The following CLTC variants were observed in gnomAD, a reference collection of about 807,000 sequenced individuals.
The protein encoded by CLTC is clathrin heavy chain 1.
A neutral mutation model predicts 195.8 loss-of-function variants in CLTC; 16 were observed. The observed-to-expected ratio is 0.08, with a 90% CI of 0.06 to 0.12. The LOEUF is 0.12. Ranked by LOEUF, CLTC falls within the 10% of genes least tolerant of loss-of-function variation. CLTC has a pLI of 1.00. For synonymous variants in CLTC, 667 were observed against 689.4 expected, an observed-to-expected ratio of 0.97 and a Z score of 0.51; for missense variants, 796 against 2,027.0, an observed-to-expected ratio of 0.39 and a Z score of 11.66.
chr17:59,690,905 A>T (rs74472436), intron 31 of CLTC, 194 bp downstream of exon 31: 30 of 424,990 alleles, frequency 7.1e-5, no homozygotes, highest in Non-Finnish European at 1.2e-4. Flanking sequence ...ATAATCTTAA[A>T]TACAAGAAAA....
chr17:59,629,559 C>T (rs2031651030), intron 1 of CLTC, among the ~76,000 whole-genome samples: 1 of 126,530 alleles, frequency 7.9e-6, no homozygotes, highest in Non-Finnish European at 1.6e-5. Flanking sequence ...CTTGCTCTGT[C>T]GCCCAGGCTG....
At chr17:59,647,334 T>C in intron 2 of CLTC, 64 bp from the exon 3 acceptor site, 2 of 1,288,724 alleles carry the variant, frequency 1.6e-6, no homozygotes, top group Non-Finnish European at 1.1e-6. Flanking sequence ...AGAGCTAGTC[T>C]AGGTAGGTAT....
chr17:59,694,305 T>C lies in CLTC; in HGVS notation c.*453T>C, dbSNP rs1481343658. On this transcript the variant is annotated 3_prime_UTR_variant, in exon 32 of 32. Coordinates refer to ENST00000269122, the MANE Select transcript of CLTC (RefSeq NM_004859.4). ...AAAAGCTAAAGCAAAAACACTGGCATATGACCATGCAAGACTGTCAGTGCC... is the reference window on the plus strand; with the variant it reads ...AAAAGCTAAAGCAAAAACACTGGCACATGACCATGCAAGACTGTCAGTGCC... The C allele has an allele frequency of 9.0e-6, 2 of 221,404 alleles. No homozygotes were observed. The highest frequency in any genetic ancestry group is 4.5e-5 in the African/African-American group (2 of 44,662). 13.7% of individuals were successfully genotyped at this position (221,404 alleles called of 1,614,324 possible).
intron 5 of CLTC, among the ~76,000 whole-genome samples, chr17:59,654,417 A>C (rs2032411610): frequency 6.6e-6 from 1 of 151,864 alleles, no homozygotes; most frequent in Non-Finnish European, 1.5e-5. Flanking sequence ...ACCTCAAGTG[A>C]TCCACCTGCC....
intron 30 of CLTC, chr17:59,689,721 A>G (rs2033257252): frequency 6.6e-6 from 1 of 152,208 alleles, no homozygotes; most frequent in Admixed American, 6.5e-5. Flanking sequence ...CCAGGGTTGT[A>G]ATGTCACTTC....
rs1446773969 is a variant in CLTC at position 59,681,913 on chromosome 17, G to A, written c.3442+74G>A. ...AAGCATTAAGATATCTGTCTATTCT[G>A]AATTTTAGAAGAGTTGGATACTGCA... On this transcript the variant is annotated intron_variant, in intron 21 of 31. Transcript: ENST00000269122. This position sits in a 1 kb window ranked among gnomAD's most constrained non-coding sequence, Gnocchi z 5.0. 10 of 1,329,154 alleles carry A rather than the reference G, an allele frequency of 7.5e-6. No individual in the cohort carries two copies. Among genetic ancestry groups the A allele is most frequent in the Non-Finnish European group, 1.0e-5 (10 of 970,918 alleles). 82.3% of individuals were successfully genotyped at this position (1,329,154 alleles called of 1,614,324 possible).
chr17:59,644,140 C>G (rs1363648380), intron 1 of CLTC, 136 bp from the exon 2 acceptor site: 2 of 674,442 alleles, frequency 3.0e-6, no homozygotes, highest in Non-Finnish European at 4.9e-6. Context: ...AATAGTCTCT[C>G]TTTAATTAAC....
At chr17:59,684,994 G>C (rs2033152062) in intron 28 of CLTC, 62 bp from the exon 29 acceptor site, 2 of 1,340,818 alleles carry the variant, frequency 1.5e-6, no homozygotes, top group South Asian at 3.3e-5. Context: ...CATTGATTGA[G>C]AACGGAATAT....
chr17:59,668,778 T>G lies in CLTC; in HGVS notation c.2130T>G (p.Gly710=). 1 of 1,591,720 alleles carries G rather than the reference T, an allele frequency of 6.3e-7. No homozygotes were observed. Among genetic ancestry groups the G allele is most frequent in the Non-Finnish European group, 8.5e-7 (1 of 1,173,558 alleles). The change falls in exon 14 of 32, where the codon GGT becomes GGG. Residue 710 remains glycine, a splice_region_variant and synonymous_variant. Coordinates refer to ENST00000269122, the MANE Select transcript of CLTC (RefSeq NM_004859.4). ...ELFESFKSFE[G]LFYFLGSIVN... ...ATTGTAATTACTTGTTTCTTTAAGG[T>G]CTCTTTTATTTTCTGGGATCCATTG...
chr17:59,684,169 C>G (rs1220026120), intron 28 of CLTC, 184 bp downstream of exon 28: 4 of 556,434 alleles, frequency 7.2e-6, no homozygotes, highest in Non-Finnish European at 1.3e-5. Flanking sequence ...CAGAATTTTG[C>G]TCAGATCTTG....
intron 1 of CLTC, among the ~76,000 whole-genome samples, chr17:59,633,266 G>A (rs2031772991): frequency 6.6e-6 from 1 of 152,182 alleles, no homozygotes; most frequent in Non-Finnish European, 1.5e-5. Context: ...CAAGGTGGGT[G>A]GATCACTTGA....
At chr17:59,632,559 C>T (rs1364187126) in intron 1 of CLTC, among the ~76,000 whole-genome samples, 1 of 152,032 alleles carries the variant, frequency 6.6e-6, no homozygotes, top group Non-Finnish European at 1.5e-5. Flanking sequence ...ACAAGAATTG[C>T]TTGAACCCAG....
chr17:59,662,475 C>T (rs1381088264), intron 8 of CLTC, among the ~76,000 whole-genome samples: 6 of 152,154 alleles, frequency 3.9e-5, no homozygotes, highest in Admixed American at 6.5e-5. Context: ...ATTCCTTTCA[C>T]ACCACCACAT....
At chr17:59,672,534 G>GT (rs768998320) in intron 14 of CLTC, among the ~76,000 whole-genome samples, 1 of 152,104 alleles carries the variant, frequency 6.6e-6, no homozygotes, top group Non-Finnish European at 1.5e-5. Flanking sequence ...AGAAATGATC[G>GT]TAACAGCTAT....
chr17:59,628,144 G>A (rs1261243760), intron 1 of CLTC, among the ~76,000 whole-genome samples: 3 of 151,994 alleles, frequency 2.0e-5, no homozygotes, highest in African/African-American at 4.8e-5. Context: ...GAAGTAAGAC[G>A]GTTTTAAAGA....
chr17:59,668,978 C>CG (rs1190614889), intron 14 of CLTC, 38 bp downstream of exon 14: 34 of 1,570,324 alleles, frequency 2.2e-5, no homozygotes, highest in Non-Finnish European at 2.8e-5. Context: ...TGGTTGGATT[C>CG]CAGGTTAGCA....
intron 5 of CLTC, among the ~76,000 whole-genome samples, chr17:59,652,678 T>G (rs73331169): frequency 0.041 from 6,310 of 152,238 alleles, 349 homozygotes; most frequent in African/African-American, 0.13. Context: ...AACCATGCTG[T>G]AAACAGATGT....
rs770180477 is a variant in CLTC, at chr17:59,683,947, T to G, written c.4396T>G (p.Ser1466Ala). 6.2e-7 allele frequency: 1 copy of G among 1,611,580 alleles called. No homozygotes were observed. Among genetic ancestry groups the G allele is most frequent in the Non-Finnish European group, 8.5e-7 (1 of 1,177,710 alleles). ...QNHNNKSVNE[S>A]LNNLFITEED... ...CCATAACAACAAATCTGTGAATGAATCATTGAACAATCTTTTTATTACAGA... is the reference window on the plus strand; with the variant it reads ...CCATAACAACAAATCTGTGAATGAAGCATTGAACAATCTTTTTATTACAGA... The change falls in exon 28 of 32, where the codon TCA (serine) becomes GCA (alanine). Residue 1466 changes from serine (S) to alanine (A), a missense_variant. Around this residue, in one of 9 missense-constraint regions of CLTC, gnomAD observed 148 missense variants for 279.5 expected, o/e 0.53. Transcript: ENST00000269122. This position sits in a 1 kb window ranked among gnomAD's most constrained non-coding sequence, Gnocchi z 6.1.
chr17:59,670,175 T>C (rs2032814806), intron 14 of CLTC, among the ~76,000 whole-genome samples: 1 of 152,206 alleles, frequency 6.6e-6, no homozygotes, highest in South Asian at 2.1e-4. Flanking sequence ...GTACCCATAC[T>C]ACTGATTCAC....
Sources: gnomAD v4.1 joint callset for allele counts (sites outside exome capture counted in the v4.1 genomes callset) on GRCh38, gnomAD v4.1.1 for gene constraint, gnomAD v4.1.1 regional missense constraint, Gnocchi (gnomAD v3.1) non-coding constraint, MANE v1.5 for transcripts, NCBI Gene and HGNC (gene_info 2026-07-23, HGNC 2026-07-21) for gene names.